PPP1R13L: variants seen among roughly 807,000 people sequenced by gnomAD.
The protein encoded by PPP1R13L is relA-associated inhibitor.
Under a neutral mutation model 80.9 loss-of-function variants are expected in PPP1R13L, and 50 were observed. That is an observed-to-expected ratio of 0.62 (90% CI 0.49 to 0.78). PPP1R13L has a LOEUF of 0.78. Among genes scored for constraint, PPP1R13L ranks in the 30% least tolerant of loss-of-function variants. The pLI is 0.00. For synonymous variants in PPP1R13L, 602 were observed against 534.3 expected, an observed-to-expected ratio of 1.13 and a Z score of -1.75; for missense variants, 1,200 against 1,205.9, an observed-to-expected ratio of 1.00 and a Z score of 0.07.
In PPP1R13L at chr19:45,396,251, C is replaced by T. The variant is rs758348644; in HGVS notation, c.820G>A (p.Val274Ile). Residue 274 changes from valine to isoleucine, a missense_variant, in exon 6 of 13, where the codon GTC (valine) becomes ATC (isoleucine). Around this residue, in one of 5 missense-constraint regions of PPP1R13L, gnomAD observed 764 missense variants for 714.5 expected, o/e 1.07. Coordinates refer to ENST00000360957, the MANE Select transcript of PPP1R13L (RefSeq NM_006663.4). This position sits in a 1 kb window ranked among gnomAD's most constrained non-coding sequence, Gnocchi z 5.3. ...SQTASYERLDVFARPASPSLQ... is the reference protein window; with the variant it reads ...SQTASYERLDIFARPASPSLQ... ...CTCGGCGAGGCAGGCCTTGCGAAGA[C>T]GTCCAGGCCTGCGGGGCGGGAATCA... The T allele has an allele frequency of 1.9e-6, 3 of 1,611,190 alleles. No homozygotes were observed. The highest frequency in any genetic ancestry group is 1.1e-5 in the South Asian group (1 of 90,936).
chr19:45,401,227 C>T (rs928946988), intron 1 of PPP1R13L, among the ~76,000 whole-genome samples: 281 of 151,556 alleles, frequency 1.9e-3, no homozygotes, highest in African/African-American at 6.5e-3. Flanking sequence ...TGGTGGCGGG[C>T]GCCTGTAGTC....
upstream of PPP1R13L, among the ~76,000 whole-genome samples, chr19:45,405,841 G>T (rs1973336969): frequency 6.6e-6 from 1 of 152,190 alleles, no homozygotes. Context: ...ACGCGGGGCG[G>T]CCCCAGTGGG....
Position 45,398,342 on chromosome 19 carries a change from G to C in PPP1R13L, c.-21-3C>G. On this transcript the variant is annotated splice_region_variant and splice_polypyrimidine_tract_variant and intron_variant, in intron 1 of 12. Coordinates refer to ENST00000360957, the MANE Select transcript of PPP1R13L (RefSeq NM_006663.4). Reference sequence around the variant, plus strand: ...ATGGTGCCGGCCGGAGCGGGCGCCTGCATGGTGGGGAGGGAGGGAGCTGGC... The same window carrying C: ...ATGGTGCCGGCCGGAGCGGGCGCCTCCATGGTGGGGAGGGAGGGAGCTGGC... 6.2e-7 allele frequency: 1 copy of C among 1,612,556 alleles called. No homozygotes were observed. Among genetic ancestry groups the C allele is most frequent in the Non-Finnish European group, 8.5e-7 (1 of 1,179,786 alleles).
At chr19:45,393,496 G>C (rs1271392405) in intron 7 of PPP1R13L, among the ~76,000 whole-genome samples, 1 of 151,870 alleles carries the variant, frequency 6.6e-6, no homozygotes, top group Non-Finnish European at 1.5e-5. Context: ...GGAAGCTGAG[G>C]TAGGAGAATC....
intron 8 of PPP1R13L, among the ~76,000 whole-genome samples, chr19:45,388,030 G>A (rs531672489): frequency 3.9e-5 from 6 of 152,116 alleles, no homozygotes; most frequent in East Asian, 1.9e-4. Flanking sequence ...TTAGGTGGCC[G>A]TGGTGGTGCA....
chr19:45,395,889 G>T lies in PPP1R13L; in HGVS notation c.904-3C>A. 1 of 1,580,270 alleles carries T rather than the reference G, an allele frequency of 6.3e-7. No homozygotes were observed. Among genetic ancestry groups the T allele is most frequent in the East Asian group, 2.3e-5 (1 of 43,944 alleles). On this transcript the variant is annotated splice_region_variant and splice_polypyrimidine_tract_variant and intron_variant, in intron 6 of 12. Coordinates refer to ENST00000360957, the MANE Select transcript of PPP1R13L (RefSeq NM_006663.4). ...AGGGTGGCGCTAGTGAGGTTGTCCT[G>T]GGGAAGAGGGAAGGGAGAAGGGGAT... is the stretch of plus-strand genomic sequence containing the variant.
In PPP1R13L at chr19:45,396,691, A is replaced by AG; in HGVS notation, c.565dup (p.Leu189ProfsTer66). Reference sequence around the variant, plus strand: ...GAAGAAGGCCTGGGGCCCCTCCGCCAGGGGGCTGCCGCGGGGGGAGCCTGC... The same window carrying AG: ...GAAGAAGGCCTGGGGCCCCTCCGCCAGGGGGGCTGCCGCGGGGGGAGCCTGC... On this transcript the variant is annotated frameshift_variant, in exon 4 of 13. Coordinates refer to ENST00000360957, the MANE Select transcript of PPP1R13L (RefSeq NM_006663.4). LOFTEE classifies it high-confidence loss of function. This position sits in a 1 kb window ranked among gnomAD's most constrained non-coding sequence, Gnocchi z 5.3. 1 of 1,417,696 alleles carries AG rather than the reference A, an allele frequency of 7.1e-7. No homozygotes were observed. Among genetic ancestry groups the AG allele is most frequent in the Non-Finnish European group, 9.1e-7 (1 of 1,096,140 alleles). 87.8% of individuals were successfully genotyped at this position (1,417,696 alleles called of 1,614,324 possible). A position where few individuals can be genotyped will look rare whatever the true frequency, so the allele number is the denominator to read the frequency against.
rs1972727580 is a variant in PPP1R13L, at chr19:45,379,750, G to A, written c.*440C>T. The A allele has an allele frequency of 6.1e-6, 1 of 163,862 alleles. No homozygotes were observed. Among genetic ancestry groups the A allele is most frequent in the African/African-American group, 2.4e-5 (1 of 41,786 alleles). The allele number at this position is 163,862 out of a possible 1,614,324, so 10.2% of individuals were successfully genotyped here. On this transcript the variant is annotated 3_prime_UTR_variant, in exon 13 of 13. Transcript: ENST00000360957. ...TGGGGAGAGGTGGGGCAGGGATCCT[G>A]GTAGAGACCAATGTTTCCCACCCAG...
chr19:45,396,209 A>G lies in PPP1R13L; in HGVS notation c.862T>C (p.Trp288Arg). ...PASPSLQLLP[W>R]RESSLDGLGG... ...AGTCCATCCAGGCTGCTCTCCCTCC[A>G]AGGCAACAGCTGCAGGCTCGGCGAG... Residue 288 changes from tryptophan to arginine, a missense_variant, in exon 6 of 13, where the codon TGG (tryptophan) becomes CGG (arginine). Physicochemically the swap from Trp to Arg is moderately radical, Grantham distance 101. Around this residue, in one of 5 missense-constraint regions of PPP1R13L, gnomAD observed 764 missense variants for 714.5 expected, o/e 1.07. Coordinates refer to ENST00000360957, the MANE Select transcript of PPP1R13L (RefSeq NM_006663.4). The surrounding 1 kb of genome is among the most constrained non-coding windows in gnomAD (Gnocchi z 5.3). 6.2e-7 allele frequency: 1 copy of G among 1,611,794 alleles called. No individual in the cohort carries two copies. Among genetic ancestry groups the G allele is most frequent in the Non-Finnish European group, 8.5e-7 (1 of 1,179,642 alleles).
At chr19:45,392,681 G>A in intron 7 of PPP1R13L, 1 of 403,454 alleles carries the variant, frequency 2.5e-6, no homozygotes, top group Non-Finnish European at 4.7e-6. Context: ...ATGCAGTTGG[G>A]ACTTGAACTC....
At chr19:45,390,576 C>T (rs902656115) in intron 8 of PPP1R13L, among the ~76,000 whole-genome samples, 3 of 152,088 alleles carry the variant, frequency 2.0e-5, no homozygotes, top group Admixed American at 6.6e-5. Flanking sequence ...GACCCCTTAG[C>T]GTTGTAAGCC....
chr19:45,388,887 A>G (rs36046716), intron 8 of PPP1R13L, among the ~76,000 whole-genome samples: 57,494 of 151,408 alleles, frequency 0.38, 11,310 homozygotes, highest in East Asian at 0.5. Flanking sequence ...ACAGGCATGC[A>G]CCACCAGGCC....
chr19:45,389,445 G>A (rs142995227), intron 8 of PPP1R13L, among the ~76,000 whole-genome samples: 310 of 152,230 alleles, frequency 2.0e-3, no homozygotes, highest in African/African-American at 7.0e-3. Flanking sequence ...ACCATCCCCT[G>A]GTCCAATGGT....
chr19:45,382,787 C>T, intron 11 of PPP1R13L, 61 bp from the exon 12 acceptor site: 1 of 1,538,648 alleles, frequency 6.5e-7, no homozygotes, highest in Non-Finnish European at 9.0e-7. Context: ...GAACAGGGGC[C>T]ACGTGGGGTC....
chr19:45,400,203 C>T (rs184600371), intron 1 of PPP1R13L, among the ~76,000 whole-genome samples: 169 of 152,060 alleles, frequency 1.1e-3, no homozygotes, highest in Middle Eastern at 3.4e-3. Context: ...TCCCTAGGGT[C>T]CCCATTCAGT....
Position 45,397,030 on chromosome 19 carries a change from G to A in PPP1R13L, c.227C>T (p.Pro76Leu). The A allele has an allele frequency of 1.5e-6, 2 of 1,361,138 alleles. No homozygotes were observed. Among genetic ancestry groups the A allele is most frequent in the South Asian group, 1.9e-5 (1 of 52,786 alleles). 84.3% of individuals were successfully genotyped at this position (1,361,138 alleles called of 1,614,324 possible). The change falls in exon 4 of 13, where the codon CCT becomes CTT. Residue 76 changes from proline (P) to leucine (L), a missense_variant. By Grantham distance (98) the Pro-to-Leu change is moderately conservative. Transcript: ENST00000360957. ...GGACCCTCGGCTGCCGAAGGGCTCAGGGATCGAGCTGGAGCTGTACCGGGG... is the reference window on the plus strand; with the variant it reads ...GGACCCTCGGCTGCCGAAGGGCTCAAGGATCGAGCTGGAGCTGTACCGGGG... ...RPPRYSSSSI[P>L]EPFGSRGSPR...
intron 8 of PPP1R13L, among the ~76,000 whole-genome samples, chr19:45,387,237 T>A (rs1972888242): frequency 1.3e-5 from 2 of 151,862 alleles, no homozygotes; most frequent in African/African-American, 4.8e-5. Flanking sequence ...CACTGCACTC[T>A]AGCCTGGGCA....
Position 45,398,352 on chromosome 19 carries a change from G to A in PPP1R13L, c.-21-13C>T. 6.2e-7 allele frequency: 1 copy of A among 1,611,352 alleles called. No homozygotes were observed. Among genetic ancestry groups the A allele is most frequent in the Non-Finnish European group, 8.5e-7 (1 of 1,179,596 alleles). Reference sequence around the variant, plus strand: ...CCGGAGCGGGCGCCTGCATGGTGGGGAGGGAGGGAGCTGGCTAAGACCCCG... The same window carrying A: ...CCGGAGCGGGCGCCTGCATGGTGGGAAGGGAGGGAGCTGGCTAAGACCCCG... On this transcript the variant is annotated splice_polypyrimidine_tract_variant and intron_variant, in intron 1 of 12. Coordinates refer to ENST00000360957, the MANE Select transcript of PPP1R13L (RefSeq NM_006663.4).
chr19:45,388,350 G>A (rs571270510), intron 8 of PPP1R13L, among the ~76,000 whole-genome samples: 1 of 152,012 alleles, frequency 6.6e-6, no homozygotes, highest in Non-Finnish European at 1.5e-5. Context: ...TCTCAGCTGG[G>A]CACAGTGGCT....
Sources: allele counts gnomAD v4.1 joint callset (sites outside exome capture counted in the v4.1 genomes callset), GRCh38; gene constraint gnomAD v4.1.1; regional missense constraint gnomAD v4.1.1; non-coding constraint Gnocchi (gnomAD v3.1); transcripts MANE v1.5; gene names NCBI Gene and HGNC (gene_info 2026-07-23, HGNC 2026-07-21).